Variants in ARHGEF4 observed in about 807,000 individuals in gnomAD.
ARHGEF4 encodes Rho guanine nucleotide exchange factor 4.
A neutral mutation model predicts 162.0 loss-of-function variants in ARHGEF4; 119 were observed. The observed-to-expected ratio is 0.73, with a 90% CI of 0.63 to 0.86. The LOEUF is 0.86. ARHGEF4 is among the 40% of genes least tolerant of loss of function. ARHGEF4 has a pLI of 0.00. For synonymous variants in ARHGEF4, 1,014 were observed against 979.9 expected (o/e 1.03, Z -0.65); for missense variants, 2,488 against 2,456.0 (o/e 1.01, Z -0.28).
chr2:130,908,328 T>C lies in ARHGEF4; in HGVS notation c.40-5658T>C, dbSNP rs528418545. Among the ~76,000 whole-genome samples, 3 of 152,338 alleles carry C rather than the reference T, an allele frequency of 2.0e-5. No individual in the cohort carries two copies. In the South Asian group the frequency reaches 6.2e-4, roughly 32 times the overall value. On this transcript the variant is annotated intron_variant, in intron 1 of 13. Transcript: ENST00000409359. ...CATCCTGAAACTTTGCTGAAGTTGT[T>C]TATCAGTTCTAAGAGCCTTTGGGCA...
At chr2:130,978,804 A>G (rs1685922949) in intron 4 of ARHGEF4, among the ~76,000 whole-genome samples, 1 of 152,198 alleles carries the variant, frequency 6.6e-6, no homozygotes, top group African/African-American at 2.4e-5. Flanking sequence ...AGAATCAGCA[A>G]TATTTCAAAC....
At chr2:131,011,951 A>G (rs1377037872) in intron 4 of ARHGEF4, 1 of 700,568 alleles carries the variant, frequency 1.4e-6, no homozygotes, top group Admixed American at 2.0e-5. Flanking sequence ...TCTGGATAAT[A>G]AAGTAAAGGT....
chr2:131,003,953 A>C (rs1482083962), intron 4 of ARHGEF4, among the ~76,000 whole-genome samples: 3 of 152,214 alleles, frequency 2.0e-5, no homozygotes, highest in Non-Finnish European at 4.4e-5. Context: ...CTTTTAAAAA[A>C]ATCCTAAGCC....
intron 3 of ARHGEF4, among the ~76,000 whole-genome samples, chr2:130,939,005 G>T (rs778050635): frequency 9.2e-5 from 14 of 152,200 alleles, no homozygotes; most frequent in Non-Finnish European, 1.8e-4. Flanking sequence ...TGTCACCAAG[G>T]TAATAAGTAT....
intron 4 of ARHGEF4, among the ~76,000 whole-genome samples, chr2:131,015,238 T>C (rs1346939654): frequency 1.3e-5 from 2 of 152,248 alleles, no homozygotes; most frequent in East Asian, 3.8e-4. Flanking sequence ...GGACTGTAGA[T>C]GGCTCAGGGT....
chr2:131,012,900 A>G lies in ARHGEF4; in HGVS notation c.3986-15045A>G, dbSNP rs74452556. ...CTGGCTATGTGCCAGGACATTCAGC[A>G]GTTGACTGTGGAGAGCACAGTGGAA... On this transcript the variant is annotated intron_variant, in intron 4 of 13. Coordinates refer to ENST00000409359, the MANE Select transcript of ARHGEF4 (RefSeq NM_001367493.1). Among the ~76,000 whole-genome samples the G allele has an allele frequency of 3.0e-3, 458 of 152,320 alleles. 4 individuals carry two copies. Among genetic ancestry groups the G allele is most frequent in the African/African-American group, 9.5e-3 (396 of 41,566 alleles).
At chr2:131,045,639 C>G in intron 13 of ARHGEF4, 193 bp downstream of exon 13, 6 of 1,522,258 alleles carry the variant, frequency 3.9e-6, no homozygotes, top group Non-Finnish European at 5.3e-6. Flanking sequence ...ATATGGTTGA[C>G]ATTCTTACTC....
At chr2:130,933,573 G>A (rs928153721) in intron 3 of ARHGEF4, among the ~76,000 whole-genome samples, 19 of 152,142 alleles carry the variant, frequency 1.2e-4, no homozygotes, top group South Asian at 4.1e-4. Flanking sequence ...GTGTCTTTCC[G>A]TTTTTGGGAG....
intron 4 of ARHGEF4, among the ~76,000 whole-genome samples, chr2:131,008,800 A>C (rs953661452): frequency 3.4e-4 from 51 of 152,160 alleles, no homozygotes; most frequent in African/African-American, 1.2e-3. Flanking sequence ...AAATGTAAGA[A>C]TCTTGCATAT....
intron 4 of ARHGEF4, among the ~76,000 whole-genome samples, chr2:130,977,570 G>C (rs1685832260): frequency 6.6e-6 from 1 of 151,940 alleles, no homozygotes; most frequent in African/African-American, 2.4e-5. Flanking sequence ...TGTTGGGCAT[G>C]TTACATGTAT....
chr2:131,047,144 A>G lies in ARHGEF4; in HGVS notation c.*955A>G, dbSNP rs1316446747. The G allele has an allele frequency of 6.6e-6, 1 of 152,392 alleles. No homozygotes were observed. Among genetic ancestry groups the G allele is most frequent in the Non-Finnish European group, 1.5e-5 (1 of 68,092 alleles). The allele number at this position is 152,392 out of a possible 1,614,324, so 9.4% of individuals were successfully genotyped here. A position where few individuals can be genotyped will look rare whatever the true frequency, so the allele number is the denominator to read the frequency against. ...CCAGGAGCAGAGCCAGGGCCTGGCG[A>G]GCTGGCGTGGAGCCCACAGGATTCA... On this transcript the variant is annotated 3_prime_UTR_variant, in exon 14 of 14. Coordinates refer to ENST00000409359, the MANE Select transcript of ARHGEF4 (RefSeq NM_001367493.1).
chr2:130,845,964 C>A (rs752853914), intron 1 of ARHGEF4, among the ~76,000 whole-genome samples: 2 of 152,222 alleles, frequency 1.3e-5, no homozygotes, highest in African/African-American at 2.4e-5. Flanking sequence ...AGGACAGAGG[C>A]AGTGGAGATT....
rs750423188 is a variant in ARHGEF4, at chr2:130,915,781, G to C, written c.1835G>C (p.Gly612Ala). The C allele has an allele frequency of 6.6e-7, 1 of 1,525,928 alleles. No individual in the cohort carries two copies. The highest frequency in any genetic ancestry group is 8.8e-7 in the Non-Finnish European group (1 of 1,135,316). 94.5% of individuals were successfully genotyped at this position (1,525,928 alleles called of 1,614,324 possible). A position where few individuals can be genotyped will look rare whatever the true frequency, so the allele number is the denominator to read the frequency against. The change falls in exon 2 of 14, where the codon GGG becomes GCG. Residue 612 changes from glycine (G) to alanine (A), a missense_variant. Around this residue, in one of 6 missense-constraint regions of ARHGEF4, gnomAD observed 1,642 missense variants for 1,481.5 expected, o/e 1.11. Coordinates refer to ENST00000409359, the MANE Select transcript of ARHGEF4 (RefSeq NM_001367493.1). ...EEGEQGPGGA[G>A]GRQLEPKAGG... Reference sequence around the variant, plus strand: ...GGTGAACAGGGGCCTGGGGGTGCCGGGGGCCGGCAGCTGGAGCCCAAAGCA... The same window carrying C: ...GGTGAACAGGGGCCTGGGGGTGCCGCGGGCCGGCAGCTGGAGCCCAAAGCA...
At chr2:130,856,509 A>G (rs1681796861) in intron 1 of ARHGEF4, among the ~76,000 whole-genome samples, 1 of 152,258 alleles carries the variant, frequency 6.6e-6, no homozygotes, top group South Asian at 2.1e-4. Context: ...GCTGAGAGCA[A>G]GTGACACCAG....
chr2:130,879,551 C>G (rs1340673003), intron 1 of ARHGEF4, among the ~76,000 whole-genome samples: 1 of 152,136 alleles, frequency 6.6e-6, no homozygotes, highest in East Asian at 1.9e-4. Flanking sequence ...TTCCTCCTGT[C>G]TAACTGAAAT....
intron 4 of ARHGEF4, among the ~76,000 whole-genome samples, chr2:130,947,412 GA>G (rs1475695067): frequency 6.6e-6 from 1 of 151,898 alleles, no homozygotes; most frequent in Non-Finnish European, 1.5e-5. Flanking sequence ...ATAAAAAAAG[GA>G]ATTCCTAGAG....
intron 4 of ARHGEF4, among the ~76,000 whole-genome samples, chr2:131,014,089 T>C (rs1688632984): frequency 6.6e-6 from 1 of 152,244 alleles, no homozygotes; most frequent in African/African-American, 2.4e-5. Flanking sequence ...CATTATATTA[T>C]ATACAGTGTT....
At chr2:130,926,810 ATTTTTTTTTTTTTTTTTTT>A (rs55904944) in intron 2 of ARHGEF4, among the ~76,000 whole-genome samples, 1 of 48,948 alleles carries the variant, frequency 2.0e-5, no homozygotes, top group Admixed American at 4.5e-4. Flanking sequence ...CTTCTGGCTG[ATTTTTTTTTTTTTTTTTTT>A]TTTTTTTTTG....
intron 5 of ARHGEF4, 122 bp downstream of exon 5, chr2:131,028,206 C>A: frequency 7.3e-7 from 1 of 1,362,782 alleles, no homozygotes; most frequent in Non-Finnish European, 1.0e-6. Context: ...GTGGTGCTGG[C>A]CATACACAGC....
Sources: allele counts gnomAD v4.1 joint callset (sites outside exome capture counted in the v4.1 genomes callset), GRCh38; gene constraint gnomAD v4.1.1; regional missense constraint gnomAD v4.1.1; transcripts MANE v1.5; gene names NCBI Gene and HGNC (gene_info 2026-07-23, HGNC 2026-07-21).